ITCH: variants seen among roughly 807,000 people sequenced by gnomAD.
The protein encoded by ITCH is E3 ubiquitin-protein ligase Itchy homolog.
ITCH carries 28 observed loss-of-function variants against 126.8 expected under a neutral mutation model. The observed-to-expected ratio is 0.22, with a 90% CI of 0.16 to 0.30. The LOEUF (loss-of-function observed/expected upper bound fraction) is 0.30. ITCH is among the 10% of genes least tolerant of loss of function. ITCH has a pLI of 1.00. For synonymous variants in ITCH, 342 were observed against 340.0 expected, an observed-to-expected ratio of 1.01 and a Z score of -0.06; for missense variants, 631 against 1,032.4, an observed-to-expected ratio of 0.61 and a Z score of 5.33.
intron 23 of ITCH, among the ~76,000 whole-genome samples, chr20:34,496,459 A>G (rs912122000): frequency 2.6e-5 from 4 of 152,070 alleles, no homozygotes; most frequent in Non-Finnish European, 4.4e-5. Context: ...CATATAACCC[A>G]ATTTGTCTAT....
At chr20:34,502,330 C>T (rs900432458) in intron 23 of ITCH, among the ~76,000 whole-genome samples, 1 of 151,580 alleles carries the variant, frequency 6.6e-6, no homozygotes, top group African/African-American at 2.4e-5. Context: ...CTGTAGTGCA[C>T]TATAACTGCT....
intron 13 of ITCH, among the ~76,000 whole-genome samples, chr20:34,457,939 G>T (rs1013777124): frequency 6.6e-6 from 1 of 151,854 alleles, no homozygotes; most frequent in Admixed American, 6.6e-5. Flanking sequence ...ACAGGTTGAG[G>T]GCTGTTTCAA....
rs1335251611 is a variant in ITCH at position 34,464,296 on chromosome 20, C to CTT, written c.1424+2087_1424+2088dup. On this transcript the variant is annotated intron_variant, in intron 14 of 24. Coordinates refer to ENST00000374864, the MANE Select transcript of ITCH (RefSeq NM_031483.7). ...AGCCACCGTGCCCGGCCTGTTTTTT[C>CTT]TTTTTTTTTTTTTCTTTCTTTCTTT... is the stretch of plus-strand genomic sequence containing the variant. Among the ~76,000 whole-genome samples the CTT allele has an allele frequency of 4.4e-5, 6 of 137,850 alleles. No individual in the cohort carries two copies. The East Asian group carries it at 8.3e-4, about 19-fold the overall frequency. The allele number at this position is 137,850 out of a possible 152,430, so 90.4% of individuals were successfully genotyped here.
At chr20:34,435,592 C>G (rs190538491) in intron 7 of ITCH, among the ~76,000 whole-genome samples, 3 of 152,178 alleles carry the variant, frequency 2.0e-5, no homozygotes, top group Admixed American at 1.3e-4. Context: ...TGTAGAGCAG[C>G]CTGCCCTTTA....
chr20:34,440,504 T>C (rs569764407), intron 9 of ITCH, among the ~76,000 whole-genome samples, 160 bp downstream of exon 9: 1 of 152,232 alleles, frequency 6.6e-6, no homozygotes, highest in African/African-American at 2.4e-5. Context: ...TCTCCCAGAC[T>C]GGAGTGCAGT....
intron 8 of ITCH, 144 bp from the exon 9 acceptor site, chr20:34,440,011 T>G (rs1983525731): frequency 1.5e-6 from 1 of 656,000 alleles, no homozygotes; most frequent in Admixed American, 2.7e-5. Flanking sequence ...TCCCATTACT[T>G]ATTTCTTTAA....
At chr20:34,491,904 A>G (rs1989543616) in intron 22 of ITCH, among the ~76,000 whole-genome samples, 1 of 152,140 alleles carries the variant, frequency 6.6e-6, no homozygotes, top group South Asian at 2.1e-4. Flanking sequence ...GTTTGATTAA[A>G]GTTGTTTATT....
At chr20:34,388,043 C>T (rs2093460462) in intron 2 of ITCH, among the ~76,000 whole-genome samples, 1 of 151,900 alleles carries the variant, frequency 6.6e-6, no homozygotes, top group Admixed American at 6.6e-5. Context: ...GTTCCAGTCA[C>T]AATGGTTTAC....
intron 20 of ITCH, among the ~76,000 whole-genome samples, chr20:34,484,131 G>A (rs1156549181): frequency 1.3e-5 from 2 of 152,040 alleles, no homozygotes; most frequent in East Asian, 3.9e-4. Flanking sequence ...GATTTGGGTG[G>A]GGACACAGAG....
intron 3 of ITCH, chr20:34,402,374 T>G (rs541393477): frequency 1.2e-6 from 1 of 820,686 alleles, no homozygotes; most frequent in East Asian, 2.4e-5. Context: ...TTGAGATCAA[T>G]TTGGGTCCCA....
chr20:34,388,653 C>CTAAAT (rs543096786), intron 2 of ITCH, among the ~76,000 whole-genome samples: 173 of 152,294 alleles, frequency 1.1e-3, no homozygotes, highest in African/African-American at 4.0e-3. Context: ...TCTCTAACTC[C>CTAAAT]TCAAAAGGAC....
At chr20:34,454,261 C>T (rs1600380083) in intron 12 of ITCH, among the ~76,000 whole-genome samples, 2 of 151,280 alleles carry the variant, frequency 1.3e-5, no homozygotes, top group Non-Finnish European at 2.9e-5. Flanking sequence ...CCTCAGCCTC[C>T]CGAGTAGCTG....
Position 34,365,562 on chromosome 20 carries a change from G to A in ITCH, c.-99+2213G>A, listed in dbSNP as rs138254885. 2.2e-3 allele frequency among the ~76,000 whole-genome samples: 341 copies of A among 152,086 alleles called. 3 individuals are homozygous for A. The highest frequency in any genetic ancestry group is 7.9e-3 in the African/African-American group (329 of 41,520). On this transcript the variant is annotated intron_variant, in intron 1 of 24. Coordinates refer to ENST00000374864, the MANE Select transcript of ITCH (RefSeq NM_031483.7). ...CCGTAGTAGCTGGGACTACAGGCGC[G>A]TGCCACCACTCCCGGTAATTTTTTT...
chr20:34,500,707 T>A (rs1483140104), intron 23 of ITCH, among the ~76,000 whole-genome samples: 1 of 152,234 alleles, frequency 6.6e-6, no homozygotes, highest in East Asian at 1.9e-4. Context: ...CTCCTGTCAT[T>A]TTTAAAATTA....
intron 7 of ITCH, among the ~76,000 whole-genome samples, chr20:34,427,374 C>G (rs1981676930): frequency 6.6e-6 from 1 of 152,056 alleles, no homozygotes; most frequent in Non-Finnish European, 1.5e-5. Flanking sequence ...TCACTTGAGC[C>G]TAGGAGTTTG....
intron 23 of ITCH, among the ~76,000 whole-genome samples, chr20:34,502,267 C>T (rs2146557942): frequency 6.6e-6 from 1 of 152,090 alleles, no homozygotes; most frequent in East Asian, 1.9e-4. Context: ...ATCTGTAGTC[C>T]CAGTTATTTG....
At chr20:34,363,821 C>T (rs1047631561) in intron 1 of ITCH, among the ~76,000 whole-genome samples, 1 of 152,164 alleles carries the variant, frequency 6.6e-6, no homozygotes, top group Admixed American at 6.5e-5. Context: ...TCCGAGCCCC[C>T]AGTCGCTAGA....
At chr20:34,368,461 G>C (rs933328689) in intron 1 of ITCH, among the ~76,000 whole-genome samples, 4 of 151,912 alleles carry the variant, frequency 2.6e-5, no homozygotes, top group African/African-American at 9.7e-5. Flanking sequence ...CAAATTCTGG[G>C]CTCATAATAA....
intron 23 of ITCH, among the ~76,000 whole-genome samples, chr20:34,497,579 T>G (rs1336681158): frequency 2.0e-5 from 3 of 151,964 alleles, no homozygotes; most frequent in Non-Finnish European, 2.9e-5. Context: ...TGTTTTTGTT[T>G]TTGTTTTTGT....
Sources: allele counts gnomAD v4.1 joint callset (sites outside exome capture counted in the v4.1 genomes callset), GRCh38; gene constraint gnomAD v4.1.1; transcripts MANE v1.5; gene names NCBI Gene and HGNC (gene_info 2026-07-23, HGNC 2026-07-21).